DNAJC18: variants seen among roughly 807,000 people sequenced by gnomAD.
The protein encoded by DNAJC18 is DnaJ heat shock protein family (Hsp40) member C18, also known as dnaJ homolog subfamily C member 18.
DNAJC18 carries 40 observed loss-of-function variants against 48.6 expected under a neutral mutation model. That is an observed-to-expected ratio of 0.82 (90% CI 0.64 to 1.07). The LOEUF is 1.07. Ranked by LOEUF, DNAJC18 falls within the 50% of genes least tolerant of loss-of-function variation. The pLI is 0.00. For synonymous variants in DNAJC18, 135 were observed against 152.2 expected (o/e 0.89, Z 0.83); for missense variants, 340 against 427.7 (o/e 0.79, Z 1.81).
At position 139,412,556 on chromosome 5, in the gene DNAJC18, C is replaced by T. The variant is rs1445250387; in HGVS notation, c.*1592G>A. On this transcript the variant is annotated 3_prime_UTR_variant, in exon 8 of 8. Transcript: ENST00000302060. The stretch of plus-strand genomic sequence containing the variant: ...GATTACAGGCTTGAGCCAGTGCACC[C>T]GGCCGACTCTCTACCAGAAACTTTT... 4 of 395,378 alleles carry T rather than the reference C, an allele frequency of 1.0e-5. No individual in the cohort carries two copies. Among genetic ancestry groups the T allele is most frequent in the African/African-American group, 4.1e-5 (2 of 48,560 alleles). 24.5% of individuals were successfully genotyped at this position (395,378 alleles called of 1,614,324 possible). A position where few individuals can be genotyped will look rare whatever the true frequency, so the allele number is the denominator to read the frequency against.
chr5:139,435,705 G>GT lies in DNAJC18; in HGVS notation c.227+1666dup, dbSNP rs377125785. 3.0e-3 allele frequency among the ~76,000 whole-genome samples: 122 copies of GT among 41,188 alleles called. 32 individuals carry two copies. In the East Asian group the frequency reaches 0.047, roughly 16 times the overall value. The allele number at this position is 41,188 out of a possible 152,430, so 27.0% of individuals were successfully genotyped here. A position where few individuals can be genotyped will look rare whatever the true frequency, so the allele number is the denominator to read the frequency against. On this transcript the variant is annotated intron_variant, in intron 2 of 7. Coordinates refer to ENST00000302060, the MANE Select transcript of DNAJC18 (RefSeq NM_152686.4). ...GGGCCTGGACTTTTCTTCATTGGAA[G>GT]TTTTTTTTTTTTTTTTTTTTTTTTT...
Position 139,420,201 on chromosome 5 carries a change from T to A in DNAJC18, c.804A>T (p.Arg268Ser). 6.2e-7 allele frequency: 1 copy of A among 1,610,772 alleles called. No homozygotes were observed. The highest frequency in any genetic ancestry group is 8.5e-7 in the Non-Finnish European group (1 of 1,179,148). ...AAGGCACCTGCAGGTTCTGAGTTTC[T>A]CTAGAAATGGTGTAGCCCAAGGTCC... ...YKSTLGYTIS[R>S]ETQNLQVPYF... The change falls in exon 7 of 8, where the codon AGA becomes AGT. Residue 268 changes from arginine to serine, a missense_variant. Transcript: ENST00000302060.
intron 6 of DNAJC18, 77 bp from the exon 7 acceptor site, chr5:139,420,302 T>C: frequency 7.9e-7 from 1 of 1,271,744 alleles, no homozygotes; most frequent in South Asian, 1.5e-5. Flanking sequence ...CTCACAGATA[T>C]CATCATCATC....
chr5:139,430,361 C>A (rs1033026054), intron 2 of DNAJC18, among the ~76,000 whole-genome samples: 2 of 152,204 alleles, frequency 1.3e-5, no homozygotes, highest in African/African-American at 4.8e-5. Flanking sequence ...GTTCCCCAAC[C>A]ACCCTTTGAG....
intron 7 of DNAJC18, among the ~76,000 whole-genome samples, chr5:139,419,345 A>T (rs1448251713): frequency 6.6e-6 from 1 of 152,250 alleles, no homozygotes; most frequent in Non-Finnish European, 1.5e-5. Flanking sequence ...GCTGTAAGCC[A>T]GTGGCAGATG....
intron 3 of DNAJC18, among the ~76,000 whole-genome samples, chr5:139,427,579 T>C (rs1759263185): frequency 6.6e-6 from 1 of 152,186 alleles, no homozygotes; most frequent in African/African-American, 2.4e-5. Context: ...GCTGAACCAT[T>C]TGAAAATAGG....
chr5:139,433,137 T>A (rs1375130905), intron 2 of DNAJC18, among the ~76,000 whole-genome samples: 1 of 152,198 alleles, frequency 6.6e-6, no homozygotes, highest in Non-Finnish European at 1.5e-5. Flanking sequence ...TGCACCCATA[T>A]AAAAGCTTCA....
chr5:139,422,856 T>TA, intron 5 of DNAJC18, 39 bp from the exon 6 acceptor site: 1 of 1,456,398 alleles, frequency 6.9e-7, no homozygotes, highest in Non-Finnish European at 9.4e-7. Context: ...CTGTAAGTGT[T>TA]CTTTTTTTTT....
chr5:139,417,046 C>A (rs1233421814), intron 7 of DNAJC18, among the ~76,000 whole-genome samples: 2 of 152,020 alleles, frequency 1.3e-5, no homozygotes, highest in Non-Finnish European at 2.9e-5. Context: ...AAAAATTAGC[C>A]AGGCACGGTG....
chr5:139,412,922 G>T lies in DNAJC18; in HGVS notation c.*1226C>A. On this transcript the variant is annotated 3_prime_UTR_variant, in exon 8 of 8. Coordinates refer to ENST00000302060, the MANE Select transcript of DNAJC18 (RefSeq NM_152686.4). ...GGAAAGGTTCTGCTTTGCCAGTCTG[G>T]CTAGAATCACCTGAGACATGAGGAT... is the stretch of plus-strand genomic sequence containing the variant. 2.5e-6 allele frequency: 1 copy of T among 398,606 alleles called. No homozygotes were observed. The highest frequency in any genetic ancestry group is 4.4e-6 in the Non-Finnish European group (1 of 226,080). 24.7% of individuals were successfully genotyped at this position (398,606 alleles called of 1,614,324 possible).
chr5:139,418,490 T>C (rs183376521), intron 7 of DNAJC18, among the ~76,000 whole-genome samples: 1 of 152,358 alleles, frequency 6.6e-6, no homozygotes, highest in Admixed American at 6.5e-5. Context: ...TAAAATTCTT[T>C]CCTGATTTTT....
In DNAJC18 at chr5:139,422,700, AGACTTAC is replaced by A; in HGVS notation, c.779+1_779+7del. 6.3e-7 allele frequency: 1 copy of A among 1,580,326 alleles called. No individual in the cohort carries two copies. The highest frequency in any genetic ancestry group is 8.6e-7 in the Non-Finnish European group (1 of 1,158,004). On this transcript the variant is annotated splice_donor_variant and splice_donor_5th_base_variant and intron_variant, in intron 6 of 7. Transcript: ENST00000302060. LOFTEE classifies it high-confidence loss of function. ...TTACTGAGAAAGATTTAGAAATACC[AGACTTAC>A]GATTTATAGAACAGACTATATGGGG... is the stretch of plus-strand genomic sequence containing the variant.
At chr5:139,433,863 C>G (rs527728370) in intron 2 of DNAJC18, among the ~76,000 whole-genome samples, 4 of 152,154 alleles carry the variant, frequency 2.6e-5, no homozygotes, top group African/African-American at 9.6e-5. Context: ...TTTGGTATGT[C>G]CATGCTCCAT....
In DNAJC18 at chr5:139,413,961, C is replaced by G. The variant is rs1759032830; in HGVS notation, c.*187G>C. 1 of 793,418 alleles carries G rather than the reference C, an allele frequency of 1.3e-6. No individual in the cohort carries two copies. Among genetic ancestry groups the G allele is most frequent in the African/African-American group, 1.8e-5 (1 of 56,740 alleles). 49.1% of individuals were successfully genotyped at this position (793,418 alleles called of 1,614,324 possible). On this transcript the variant is annotated 3_prime_UTR_variant, in exon 8 of 8. Coordinates refer to ENST00000302060, the MANE Select transcript of DNAJC18 (RefSeq NM_152686.4). ...ACTACTCCTGGTCCCTGGAGCCACT[C>G]CCCAGGAAGGATCCTGTGAAGACAC...
At chr5:139,437,993 G>A (rs1750708557) in intron 1 of DNAJC18, among the ~76,000 whole-genome samples, 2 of 152,218 alleles carry the variant, frequency 1.3e-5, no homozygotes, top group Admixed American at 1.3e-4. Flanking sequence ...GCACGGCTTT[G>A]AGCTCAATAC....
chr5:139,427,719 A>G (rs997090505), intron 3 of DNAJC18, among the ~76,000 whole-genome samples: 5 of 152,186 alleles, frequency 3.3e-5, no homozygotes, highest in Non-Finnish European at 4.4e-5. Context: ...TTATCATCCA[A>G]TGCATCCATG....
chr5:139,417,512 G>T (rs989764575), intron 7 of DNAJC18, among the ~76,000 whole-genome samples: 3 of 150,470 alleles, frequency 2.0e-5, no homozygotes, highest in Non-Finnish European at 4.4e-5. Context: ...TAAGGGGTTT[G>T]TGCTGATAAC....
intron 6 of DNAJC18, 34 bp downstream of exon 6, chr5:139,422,674 G>A: frequency 1.3e-6 from 2 of 1,487,150 alleles, no homozygotes; most frequent in Non-Finnish European, 1.9e-6. Context: ...CCCCCAGACT[G>A]TTACTGAGAA....
intron 7 of DNAJC18, among the ~76,000 whole-genome samples, chr5:139,414,982 G>T (rs2152082198): frequency 6.6e-6 from 1 of 152,262 alleles, no homozygotes; most frequent in East Asian, 1.9e-4. Context: ...TGGTTTGGTT[G>T]CCTCTATTTT....
Sources: gnomAD v4.1 joint callset for allele counts (sites outside exome capture counted in the v4.1 genomes callset) on GRCh38, gnomAD v4.1.1 for gene constraint, MANE v1.5 for transcripts, NCBI Gene and HGNC (gene_info 2026-07-23, HGNC 2026-07-21) for gene names.